Variants in MYEF2 observed in about 807,000 individuals in gnomAD.
MYEF2 encodes the protein myelin gene expression factor 2.
A neutral mutation model predicts 75.2 loss-of-function variants in MYEF2; 37 were observed. The observed-to-expected ratio is 0.49, with a 90% CI of 0.38 to 0.65. The LOEUF (loss-of-function observed/expected upper bound fraction) is 0.65. MYEF2 is among the 30% of genes least tolerant of loss of function. The probability of loss-of-function intolerance (pLI) is 0.00; values close to 1 mark genes in which losing one functional copy is unlikely to be tolerated. For missense variants in MYEF2, 634 were observed against 771.4 expected (o/e 0.82, Z 2.11); for synonymous variants, 195 against 241.6 (o/e 0.81, Z 1.79).
rs368154636 is a variant in MYEF2, at chr15:48,141,132, C to A, written c.*1776G>T. 9.3e-6 allele frequency: 15 copies of A among 1,612,820 alleles called. No homozygotes were observed. The highest frequency in any genetic ancestry group is 1.3e-5 in the Non-Finnish European group (15 of 1,179,114). Reference sequence around the variant, plus strand: ...TTACAGGGGAAACACTAGAAATTCCCGATACAGTAATGGGCCTTACTTTAT... The same window carrying A: ...TTACAGGGGAAACACTAGAAATTCCAGATACAGTAATGGGCCTTACTTTAT... On this transcript the variant is annotated 3_prime_UTR_variant, in exon 17 of 17. Transcript: ENST00000324324.
chr15:48,165,825 T>C lies in MYEF2; in HGVS notation c.525+108A>G, dbSNP rs112519132. On this transcript the variant is annotated intron_variant, in intron 5 of 16. Coordinates refer to ENST00000324324, the MANE Select transcript of MYEF2 (RefSeq NM_016132.5). The stretch of plus-strand genomic sequence containing the variant: ...TATATAATGCTTTAATGAACACCTA[T>C]GTTTTAAAAAAAAGTTGTAGTCAGG... The C allele has an allele frequency of 1.3e-3, 1,000 of 742,932 alleles. 12 individuals are homozygous for C. In the African/African-American group the frequency reaches 0.016, roughly 12 times the overall value. The allele number at this position is 742,932 out of a possible 1,614,324, so 46.0% of individuals were successfully genotyped here. A position where few individuals can be genotyped will look rare whatever the true frequency, so the allele number is the denominator to read the frequency against.
At chr15:48,166,203 T>C (rs2040127644) in intron 3 of MYEF2, 75 bp from the exon 4 acceptor site, 1 of 1,185,276 alleles carries the variant, frequency 8.4e-7, no homozygotes, top group African/African-American at 1.6e-5. Flanking sequence ...TAATAATCAG[T>C]TCTAACATTT....
intron 5 of MYEF2, among the ~76,000 whole-genome samples, chr15:48,164,740 G>C (rs1014488305): frequency 6.6e-6 from 1 of 152,122 alleles, no homozygotes; most frequent in Non-Finnish European, 1.5e-5. Context: ...TCAGCACTGA[G>C]GCAAGACTCT....
At chr15:48,144,368 C>G (rs1433526318) in intron 16 of MYEF2, among the ~76,000 whole-genome samples, 1 of 151,968 alleles carries the variant, frequency 6.6e-6, no homozygotes, top group East Asian at 1.9e-4. Context: ...CTCCCTATTA[C>G]TGCATTTCTT....
Position 48,137,227 on chromosome 15 carries a change from G to C in MYEF2, c.*5681C>G, listed in dbSNP as rs1275576095. On this transcript the variant is annotated 3_prime_UTR_variant, in exon 17 of 17. Transcript: ENST00000324324. ...CAAATGGGACAGATTGCCAAAATGT[G>C]GTGAGGACAGATAGGAGATTTTCAC... The C allele has an allele frequency of 2.7e-6, 1 of 367,136 alleles. No individual in the cohort carries two copies. Among genetic ancestry groups the C allele is most frequent in the Admixed American group, 4.5e-5 (1 of 22,354 alleles). The allele number at this position is 367,136 out of a possible 1,614,324, so 22.7% of individuals were successfully genotyped here. A position where few individuals can be genotyped will look rare whatever the true frequency, so the allele number is the denominator to read the frequency against.
In MYEF2 at chr15:48,165,936, TTTAATA is replaced by T. The variant is rs1160402909; in HGVS notation, c.516_521del (p.Asn172_Ile173del). On this transcript the variant is annotated inframe_deletion, in exon 5 of 17. Transcript: ENST00000324324. ...TTCTAAATATGAGAAATCTTACCTCTTTAATATTAAGGGGTCTTCCACTAAGATCAT... is the reference window on the plus strand; with the variant it reads ...TTCTAAATATGAGAAATCTTACCTCTTTAAGGGGTCTTCCACTAAGATCAT... 6.6e-7 allele frequency: 1 copy of T among 1,525,362 alleles called. No homozygotes were observed. The highest frequency in any genetic ancestry group is 8.9e-7 in the Non-Finnish European group (1 of 1,121,032). The allele number at this position is 1,525,362 out of a possible 1,614,324, so 94.5% of individuals were successfully genotyped here. A position where few individuals can be genotyped will look rare whatever the true frequency, so the allele number is the denominator to read the frequency against.
At chr15:48,155,219 G>A (rs557478767) in intron 9 of MYEF2, among the ~76,000 whole-genome samples, 51 of 151,964 alleles carry the variant, frequency 3.4e-4, no homozygotes, top group African/African-American at 1.2e-3. Flanking sequence ...TAGGAAAAAT[G>A]TACCAGGCAA....
intron 1 of MYEF2, among the ~76,000 whole-genome samples, chr15:48,174,496 C>T (rs2040448257): frequency 6.6e-6 from 1 of 150,954 alleles, no homozygotes. Flanking sequence ...AAAGGAAACT[C>T]AACAAAATAA....
At chr15:48,154,065 G>A (rs1304462416) in intron 9 of MYEF2, 172 bp from the exon 10 acceptor site, 11 of 527,772 alleles carry the variant, frequency 2.1e-5, no homozygotes, top group African/African-American at 5.8e-5. Context: ...ACTGAAGCCC[G>A]ACTATAAAAC....
In MYEF2 at chr15:48,136,646, C is replaced by T. The variant is rs953156425; in HGVS notation, c.*6262G>A. 6.4e-7 allele frequency: 1 copy of T among 1,550,776 alleles called. No homozygotes were observed. The highest frequency in any genetic ancestry group is 8.7e-7 in the Non-Finnish European group (1 of 1,147,458). ...AAGCTATCAACTCTAAAATGACTTTCACTTTTAATTTAAAAACACAAATTT... is the reference window on the plus strand; with the variant it reads ...AAGCTATCAACTCTAAAATGACTTTTACTTTTAATTTAAAAACACAAATTT... On this transcript the variant is annotated 3_prime_UTR_variant, in exon 17 of 17. Transcript: ENST00000324324.
intron 5 of MYEF2, among the ~76,000 whole-genome samples, chr15:48,160,660 A>T (rs2039905612): frequency 8.0e-6 from 1 of 125,214 alleles, no homozygotes; most frequent in Non-Finnish European, 1.7e-5. Context: ...CCCCATCATC[A>T]CTTCTCTATC....
At chr15:48,158,250 G>A in intron 7 of MYEF2, 26 bp from the exon 8 acceptor site, 4 of 1,607,706 alleles carry the variant, frequency 2.5e-6, no homozygotes, top group Middle Eastern at 3.3e-4. Flanking sequence ...AGGAAAGTCA[G>A]TTAAGATAAC....
chr15:48,151,593 T>G, intron 12 of MYEF2, 22 bp from the exon 13 acceptor site: 3 of 1,583,314 alleles, frequency 1.9e-6, no homozygotes, highest in Non-Finnish European at 2.6e-6. Flanking sequence ...GTGCAACAAA[T>G]TAACCTTTTC....
chr15:48,140,394 A>T lies in MYEF2; in HGVS notation c.*2514T>A, dbSNP rs557169128. ...TTTAAGAAAAAAAAAGAGAAAGAAAAAAAAGACGCTAAACCAAGTTTTCAA... is the reference window on the plus strand; with the variant it reads ...TTTAAGAAAAAAAAAGAGAAAGAAATAAAAGACGCTAAACCAAGTTTTCAA... On this transcript the variant is annotated 3_prime_UTR_variant, in exon 17 of 17. Transcript: ENST00000324324. 10 of 152,300 alleles carry T rather than the reference A, an allele frequency of 6.6e-5. No individual in the cohort carries two copies. Among genetic ancestry groups the T allele is most frequent in the African/African-American group, 2.4e-4 (10 of 41,568 alleles). The allele number at this position is 152,300 out of a possible 1,614,324, so 9.4% of individuals were successfully genotyped here.
chr15:48,138,389 A>C lies in MYEF2; in HGVS notation c.*4519T>G, dbSNP rs1567228494. On this transcript the variant is annotated 3_prime_UTR_variant, in exon 17 of 17. Coordinates refer to ENST00000324324, the MANE Select transcript of MYEF2 (RefSeq NM_016132.5). The stretch of plus-strand genomic sequence containing the variant: ...TACTTTAGATGATATACTACCTCCT[A>C]CTTTAAGGTTATTTCTATGAACTGT... The C allele has an allele frequency of 6.6e-6, 1 of 152,010 alleles. No homozygotes were observed. The highest frequency in any genetic ancestry group is 2.1e-4 in the South Asian group (1 of 4,830). 9.4% of individuals were successfully genotyped at this position (152,010 alleles called of 1,614,324 possible).
rs2039139136 is a variant in MYEF2, at chr15:48,142,961, C to A, written c.1750G>T (p.Gly584Cys). The part of the protein sequence containing the change: ...SAEKACRIMN[G>C]IKISGREIDV... ...ATTTCTCTGCCACTGATTTTTATGC[C>A]ATTCATTATTCTGCAGGCTTTTTCA... is the stretch of plus-strand genomic sequence containing the variant. Residue 584 changes from glycine to cysteine, a missense_variant, in exon 17 of 17, where the codon GGC becomes TGC. Physicochemically the swap from Gly to Cys is radical, Grantham distance 159. Coordinates refer to ENST00000324324, the MANE Select transcript of MYEF2 (RefSeq NM_016132.5). The A allele has an allele frequency of 6.2e-7, 1 of 1,600,402 alleles. No homozygotes were observed. The highest frequency in any genetic ancestry group is 8.5e-7 in the Non-Finnish European group (1 of 1,174,320).
In MYEF2 at chr15:48,165,982, T is replaced by C; in HGVS notation, c.476A>G (p.Glu159Gly). The change falls in exon 5 of 17, where the codon GAA becomes GGA. Residue 159 changes from glutamate (E) to glycine (G), a missense_variant. Physicochemically the swap from Glu to Gly is moderately conservative, Grantham distance 98. Coordinates refer to ENST00000324324, the MANE Select transcript of MYEF2 (RefSeq NM_016132.5). Reference sequence around the variant, plus strand: ...ACTAAGATCATATTTGTTCATAGTTTCTAGGGCTTTCTTTACAAATTCTTC... The same window carrying C: ...ACTAAGATCATATTTGTTCATAGTTCCTAGGGCTTTCTTTACAAATTCTTC... Reference protein sequence around the residue: ...KDEEFVKKALETMNKYDLSGR... With the variant: ...KDEEFVKKALGTMNKYDLSGR... 6.3e-7 allele frequency: 1 copy of C among 1,597,284 alleles called. No homozygotes were observed. Among genetic ancestry groups the C allele is most frequent in the Non-Finnish European group, 8.5e-7 (1 of 1,170,196 alleles).
Position 48,147,844 on chromosome 15 carries a change from A to T in MYEF2, c.1639+1188T>A, listed in dbSNP as rs190676599. 3.1e-3 allele frequency among the ~76,000 whole-genome samples: 468 copies of T among 152,086 alleles called. 1 individual carries two copies. Among genetic ancestry groups the T allele is most frequent in the African/African-American group, 0.011 (442 of 41,534 alleles). Reference sequence around the variant, plus strand: ...TTCTAGGGCCTAACAGACTGCCAAAAATATGTTTGTGGATTTAATGAATAA... The same window carrying T: ...TTCTAGGGCCTAACAGACTGCCAAATATATGTTTGTGGATTTAATGAATAA... On this transcript the variant is annotated intron_variant, in intron 16 of 16. Transcript: ENST00000324324.
chr15:48,143,223 T>C (rs1342431956), intron 16 of MYEF2, 152 bp from the exon 17 acceptor site: 6 of 424,650 alleles, frequency 1.4e-5, no homozygotes, highest in Non-Finnish European at 1.9e-5. Context: ...ATATTTGGAC[T>C]AAAATACAAT....
Sources: gnomAD v4.1 joint callset for allele counts (sites outside exome capture counted in the v4.1 genomes callset) on GRCh38, gnomAD v4.1.1 for gene constraint, MANE v1.5 for transcripts, NCBI Gene and HGNC (gene_info 2026-07-23, HGNC 2026-07-21) for gene names.